The following MTM1 variants were observed in gnomAD, a reference collection of about 807,000 sequenced individuals.
MTM1 encodes the protein myotubularin 1.
A neutral mutation model predicts 52.1 loss-of-function variants in MTM1; 9 were observed. The ratio of observed to expected loss-of-function variants is 0.17; its 90% confidence interval spans 0.10 to 0.30. The LOEUF is 0.30. Among genes scored for constraint, MTM1 ranks in the 10% least tolerant of loss-of-function variants. MTM1 has a pLI of 1.00. For missense variants in MTM1, 277 were observed against 470.7 expected, an observed-to-expected ratio of 0.59 and a Z score of 3.81; for synonymous variants, 136 against 163.8, an observed-to-expected ratio of 0.83 and a Z score of 1.29.
rs192203172 is a variant in MTM1 at position 150,575,041 on chromosome X, C to A, written c.-11+6379C>A. ...GGGTTTGCAGCCTCCGCTGCAACTT[C>A]CTGCAGCTCTCATGACTACAGGGTT... On this transcript the variant is annotated intron_variant, in intron 1 of 14. Coordinates refer to ENST00000370396, the MANE Select transcript of MTM1 (RefSeq NM_000252.3). Among the ~76,000 whole-genome samples the A allele has an allele frequency of 6.0e-3, 680 of 112,436 alleles. 5 individuals are homozygous for A. Among genetic ancestry groups the A allele is most frequent in the African/African-American group, 0.021 (651 of 30,932 alleles).
chrX:150,611,100 A>G (rs2039268444), intron 4 of MTM1, among the ~76,000 whole-genome samples: 1 of 111,707 alleles, frequency 9.0e-6, no homozygotes, highest in African/African-American at 3.3e-5. Context: ...CTCTTTGGGC[A>G]TTTAGGTTTC....
At chrX:150,608,694 A>G (rs1445398701) in intron 4 of MTM1, among the ~76,000 whole-genome samples, 1 of 111,578 alleles carries the variant, frequency 9.0e-6, no homozygotes, top group African/African-American at 3.3e-5. Context: ...CTAGTACACA[A>G]TAGTTGTTAG....
intron 1 of MTM1, among the ~76,000 whole-genome samples, chrX:150,584,787 C>T (rs1557412176): frequency 1.8e-5 from 2 of 111,746 alleles, no homozygotes; most frequent in Non-Finnish European, 3.8e-5. Context: ...ATAGTATTTG[C>T]ATATAACCTT....
At chrX:150,597,295 G>A (rs911423306) in intron 3 of MTM1, among the ~76,000 whole-genome samples, 4 of 111,775 alleles carry the variant, frequency 3.6e-5, no homozygotes, top group East Asian at 5.6e-4. Context: ...CTAAAACCTC[G>A]TGCTAATTAG....
upstream of MTM1, among the ~76,000 whole-genome samples, chrX:150,566,759 C>T (rs1306617352): frequency 1.8e-5 from 2 of 111,014 alleles, no homozygotes; most frequent in Admixed American, 9.6e-5. Context: ...GGACACTTAA[C>T]CAGGCCTATT....
chrX:150,573,016 T>C (rs1218453392), intron 1 of MTM1, among the ~76,000 whole-genome samples: 6 of 112,931 alleles, frequency 5.3e-5, no homozygotes, highest in African/African-American at 1.9e-4. Context: ...TTTCTATGAT[T>C]GTAATAAAAA....
At chrX:150,620,042 T>C (rs782222747) in intron 6 of MTM1, among the ~76,000 whole-genome samples, 7 of 111,979 alleles carry the variant, frequency 6.3e-5, no homozygotes, top group Admixed American at 3.8e-4. Context: ...AAATATGTGA[T>C]TTTTAAAAAT....
chrX:150,623,325 C>T (rs1257546835), intron 6 of MTM1, among the ~76,000 whole-genome samples: 4 of 111,364 alleles, frequency 3.6e-5, no homozygotes, highest in East Asian at 2.8e-4. Flanking sequence ...TGCTTAAAGT[C>T]GGGACCTCCT....
intron 1 of MTM1, among the ~76,000 whole-genome samples, chrX:150,583,511 A>AT (rs1366046016): frequency 3.5e-5 from 1 of 28,253 alleles, no homozygotes; most frequent in African/African-American, 1.2e-4. Flanking sequence ...AAATATATAT[A>AT]ATTTATATAT....
rs2038401671 is a variant in MTM1 at position 150,572,768 on chromosome X, A to G, written c.-11+4106A>G. Among the ~76,000 whole-genome samples, 3 of 112,416 alleles carry G rather than the reference A, an allele frequency of 2.7e-5. No individual in the cohort carries two copies. The Admixed American group carries it at 2.8e-4, about 11-fold the overall frequency. On this transcript the variant is annotated intron_variant, in intron 1 of 14. Coordinates refer to ENST00000370396, the MANE Select transcript of MTM1 (RefSeq NM_000252.3). Reference sequence around the variant, plus strand: ...AAGCGATCCAGGCTCTGGGGAAGAGATGGTTGATAGCTCCCCAGGTCTGTA... The same window carrying G: ...AAGCGATCCAGGCTCTGGGGAAGAGGTGGTTGATAGCTCCCCAGGTCTGTA...
intron 5 of MTM1, among the ~76,000 whole-genome samples, chrX:150,615,896 A>T (rs1308419338): frequency 5.4e-5 from 6 of 111,292 alleles, no homozygotes; most frequent in African/African-American, 2.0e-4. Flanking sequence ...TTTATCTATT[A>T]TCCCAGCTAC....
chrX:150,579,242 C>T (rs1374985003), intron 1 of MTM1, among the ~76,000 whole-genome samples: 3 of 110,012 alleles, frequency 2.7e-5, no homozygotes, highest in African/African-American at 6.6e-5. Context: ...TTAGTAGAGA[C>T]GGGGTTTCTC....
rs1482843720 is a variant in MTM1 at position 150,671,675 on chromosome X, T to C, written c.*80T>C. 5 of 1,064,549 alleles carry C rather than the reference T, an allele frequency of 4.7e-6. No homozygotes were observed. Among genetic ancestry groups the C allele is most frequent in the Non-Finnish European group, 5.2e-6 (4 of 771,578 alleles). The allele number at this position is 1,064,549 out of a possible 1,213,427, so 87.7% of individuals were successfully genotyped here. The stretch of plus-strand genomic sequence containing the variant: ...ATTTGGGGCATTTGTAAAAAGTAGA[T>C]TAAAATATTTGCCTCCATGTAGAAC... On this transcript the variant is annotated 3_prime_UTR_variant, in exon 15 of 15. Transcript: ENST00000370396.
intron 4 of MTM1, among the ~76,000 whole-genome samples, chrX:150,608,326 C>T (rs978012930): frequency 1.8e-5 from 2 of 111,263 alleles, no homozygotes; most frequent in East Asian, 5.6e-4. Flanking sequence ...TCAAGCAGTC[C>T]TCCCACCTCA....
At chrX:150,653,841 G>A (rs1024762590) in intron 10 of MTM1, among the ~76,000 whole-genome samples, 1 of 112,121 alleles carries the variant, frequency 8.9e-6, no homozygotes, top group Non-Finnish European at 1.9e-5. Flanking sequence ...GTATCATATT[G>A]TTTTGGCCTT....
At chrX:150,606,097 G>A (rs139384474) in intron 4 of MTM1, among the ~76,000 whole-genome samples, 1,740 of 109,876 alleles carry the variant, frequency 0.016, 34 homozygotes, top group African/African-American at 0.055. Flanking sequence ...TTCATTTTAT[G>A]GTAGGTGAAA....
chrX:150,671,603 C>T lies in MTM1; in HGVS notation c.*8C>T. The T allele has an allele frequency of 8.3e-7, 1 of 1,210,073 alleles. No individual in the cohort carries two copies. On this transcript the variant is annotated 3_prime_UTR_variant, in exon 15 of 15. Transcript: ENST00000370396. ...GTGCAAACTCACTTCTGAGGGGGGA[C>T]CCTGGCACCGCATTAGAGCTCGAAA...
intron 1 of MTM1, among the ~76,000 whole-genome samples, chrX:150,577,338 G>A (rs181821537): frequency 1.8e-5 from 2 of 112,250 alleles, no homozygotes; most frequent in East Asian, 2.8e-4. Flanking sequence ...GTGTGGCATT[G>A]CTGGGCCATA....
chrX:150,607,153 A>G (rs1467886631), intron 4 of MTM1, among the ~76,000 whole-genome samples: 2 of 108,000 alleles, frequency 1.9e-5, no homozygotes, highest in African/African-American at 6.8e-5. Flanking sequence ...ACAGCCAGTT[A>G]ATTTTTGTAT....
Sources: allele counts gnomAD v4.1 joint callset (sites outside exome capture counted in the v4.1 genomes callset), GRCh38; gene constraint gnomAD v4.1.1; transcripts MANE v1.5; gene names NCBI Gene and HGNC (gene_info 2026-07-23, HGNC 2026-07-21).